Variants in EPS15L1 observed in about 807,000 individuals in gnomAD.
The protein encoded by EPS15L1 is epidermal growth factor receptor pathway substrate 15 like 1.
Under a neutral mutation model 117.1 loss-of-function variants are expected in EPS15L1, and 43 were observed. That is an observed-to-expected ratio of 0.37 (90% CI 0.29 to 0.47). EPS15L1 has a LOEUF of 0.47. EPS15L1 is among the 20% of genes least tolerant of loss of function. The pLI, the probability that EPS15L1 is intolerant of heterozygous loss-of-function variation, is 0.99. For missense variants in EPS15L1, 981 were observed against 1,164.0 expected (o/e 0.84, Z 2.29); for synonymous variants, 459 against 470.5 (o/e 0.98, Z 0.32).
chr19:16,380,994 G>A (rs538887920), intron 21 of EPS15L1, among the ~76,000 whole-genome samples: 210 of 152,320 alleles, frequency 1.4e-3, no homozygotes, highest in African/African-American at 5.0e-3. Flanking sequence ...CAGGGAGGTG[G>A]CCCCTCTAAG....
At chr19:16,393,504 C>T (rs542433832) in intron 18 of EPS15L1, among the ~76,000 whole-genome samples, 168 of 151,570 alleles carry the variant, frequency 1.1e-3, no homozygotes, top group Non-Finnish European at 2.0e-3. Context: ...AAAAAATTAG[C>T]CGGGCGTGGT....
At chr19:16,364,576 C>T (rs1219952030) in intron 22 of EPS15L1, among the ~76,000 whole-genome samples, 2 of 152,218 alleles carry the variant, frequency 1.3e-5, no homozygotes, top group Non-Finnish European at 2.9e-5. Flanking sequence ...CACCTTGAGA[C>T]GGCCTCCCAT....
At chr19:16,423,116 A>C (rs546927983) in intron 9 of EPS15L1, among the ~76,000 whole-genome samples, 1 of 152,164 alleles carries the variant, frequency 6.6e-6, no homozygotes, top group South Asian at 2.1e-4. Context: ...GTGATGTCCA[A>C]ATCTAACAGG....
chr19:16,395,204 A>C, intron 17 of EPS15L1, 140 bp downstream of exon 17: 1 of 460,576 alleles, frequency 2.2e-6, no homozygotes, highest in Non-Finnish European at 3.3e-6. Context: ...TCGTCTCCAA[A>C]AAAAAAAAAA....
At position 16,392,368 on chromosome 19, in the gene EPS15L1, T is replaced by C; in HGVS notation, c.2039A>G (p.Lys680Arg). 1 of 1,614,172 alleles carries C rather than the reference T, an allele frequency of 6.2e-7. No homozygotes were observed. Residue 680 changes from lysine to arginine, a missense_variant, in exon 19 of 24, where the codon AAA becomes AGA. Transcript: ENST00000455140. ...RGSATDDFFK[K>R]QTKNDPFTSD... Reference sequence around the variant, plus strand: ...GGTAAATGGGTCATTCTTTGTCTGTTTCTTGAAGAAGTCGTCAGTGGCAGA... The same window carrying C: ...GGTAAATGGGTCATTCTTTGTCTGTCTCTTGAAGAAGTCGTCAGTGGCAGA...
intron 7 of EPS15L1, among the ~76,000 whole-genome samples, chr19:16,430,495 T>TC (rs1250718542): frequency 6.6e-6 from 1 of 152,162 alleles, no homozygotes; most frequent in African/African-American, 2.4e-5. Context: ...TGAGACACAG[T>TC]CCTTAACAGG....
At chr19:16,366,548 T>C (rs184872589) in intron 22 of EPS15L1, among the ~76,000 whole-genome samples, 1 of 152,298 alleles carries the variant, frequency 6.6e-6, no homozygotes, top group East Asian at 1.9e-4. Flanking sequence ...TTTTGCTCTG[T>C]TGCCGAAACC....
intron 22 of EPS15L1, among the ~76,000 whole-genome samples, chr19:16,375,477 T>C (rs986335510): frequency 3.5e-4 from 53 of 151,802 alleles, no homozygotes; most frequent in African/African-American, 1.2e-3. Context: ...TGTGTGTGTG[T>C]GTGTGTGTGT....
chr19:16,452,111 C>T (rs1262665462), intron 1 of EPS15L1, among the ~76,000 whole-genome samples: 1 of 151,592 alleles, frequency 6.6e-6, no homozygotes, highest in African/African-American at 2.4e-5. Context: ...TGCACTCCAG[C>T]CTGGGCTACA....
intron 22 of EPS15L1, among the ~76,000 whole-genome samples, chr19:16,362,304 G>T (rs1344592793): frequency 6.6e-6 from 1 of 151,500 alleles, no homozygotes; most frequent in Non-Finnish European, 1.5e-5. Flanking sequence ...TTTTAGCATG[G>T]CAACACATTT....
Position 16,385,168 on chromosome 19 carries a change from A to G in EPS15L1, c.2208T>C (p.Asn736=), listed in dbSNP as rs781191687. 1.9e-6 allele frequency: 3 copies of G among 1,614,064 alleles called. No homozygotes were observed. In the Admixed American group the frequency reaches 5.0e-5, roughly 27 times the overall value. Residue 736 remains asparagine (N), a synonymous_variant, in exon 21 of 24, where the codon AAT becomes AAC. Transcript: ENST00000455140. The stretch of plus-strand genomic sequence containing the variant: ...TGAAGTCGGCAAAGCCTTCAGCACT[A>G]TTGAAGGACCCACTTCCGAAGGGAT... ...TLDPFGSGSF[N]SAEGFADFSQ... is the part of the protein sequence containing the mutation.
chr19:16,363,467 T>A (rs2144638745), intron 22 of EPS15L1, among the ~76,000 whole-genome samples: 1 of 152,204 alleles, frequency 6.6e-6, no homozygotes, highest in African/African-American at 2.4e-5. Flanking sequence ...CCTCGGTCCC[T>A]CTCCATGCCC....
At chr19:16,461,713 G>C (rs938628184) in intron 1 of EPS15L1, among the ~76,000 whole-genome samples, 8 of 152,332 alleles carry the variant, frequency 5.3e-5, no homozygotes, top group Admixed American at 5.2e-4. Flanking sequence ...TTACACAAGA[G>C]GAAAGCCCTT....
rs781007939 is a variant in EPS15L1, at chr19:16,404,665, C to T, written c.1351G>A (p.Glu451Lys). Residue 451 changes from glutamate (E) to lysine (K), a missense_variant, in exon 14 of 24, where the codon GAG (glutamate) becomes AAG (lysine). Transcript: ENST00000455140. This position sits in a 1 kb window ranked among gnomAD's most constrained non-coding sequence, Gnocchi z 4.2. ...AGCTTGGCCTTCTGCTGGTCCATCTCGTCCAGGCGGTCTTGAGCATCCTGT... is the reference window on the plus strand; with the variant it reads ...AGCTTGGCCTTCTGCTGGTCCATCTTGTCCAGGCGGTCTTGAGCATCCTGT... Reference protein sequence around the residue: ...QKQDAQDRLDEMDQQKAKLRD... With the variant: ...QKQDAQDRLDKMDQQKAKLRD... 8 of 1,614,218 alleles carry T rather than the reference C, an allele frequency of 5.0e-6. No homozygotes were observed. The highest frequency in any genetic ancestry group is 2.2e-5 in the South Asian group (2 of 91,088).
chr19:16,363,315 G>A (rs925072296), intron 22 of EPS15L1, among the ~76,000 whole-genome samples: 2 of 152,196 alleles, frequency 1.3e-5, no homozygotes, highest in African/African-American at 4.8e-5. Flanking sequence ...ACCAGGAACT[G>A]CCTGTCCCTC....
intron 22 of EPS15L1, among the ~76,000 whole-genome samples, chr19:16,363,703 C>T (rs2092092823): frequency 2.0e-5 from 3 of 152,174 alleles, no homozygotes; most frequent in African/African-American, 7.2e-5. Flanking sequence ...TCCTGGGGTC[C>T]AGGAGTCTCC....
chr19:16,442,071 G>A (rs1038453974), intron 2 of EPS15L1, 90 bp from the exon 3 acceptor site: 9 of 1,479,384 alleles, frequency 6.1e-6, no homozygotes, highest in Non-Finnish European at 8.5e-6. Context: ...TCCGCTGACA[G>A]TGAACAGAAA....
Position 16,471,824 on chromosome 19 carries a change from G to T in EPS15L1, c.33+89C>A. The T allele has an allele frequency of 1.5e-6, 1 of 681,852 alleles. No homozygotes were observed. The highest frequency in any genetic ancestry group is 2.0e-6 in the Non-Finnish European group (1 of 498,658). The allele number at this position is 681,852 out of a possible 1,614,324, so 42.2% of individuals were successfully genotyped here. A position where few individuals can be genotyped will look rare whatever the true frequency, so the allele number is the denominator to read the frequency against. ...GCACGCGCCGCCCCCGCCGCCGCCT[G>T]GCTGAGTCTCCCAGCGCCTCAGCCT... is the stretch of plus-strand genomic sequence containing the variant. On this transcript the variant is annotated intron_variant, in intron 1 of 23. Coordinates refer to ENST00000455140, the MANE Select transcript of EPS15L1 (RefSeq NM_001258374.3). The surrounding 1 kb of genome is among the most constrained non-coding windows in gnomAD (Gnocchi z 4.8).
intron 21 of EPS15L1, among the ~76,000 whole-genome samples, chr19:16,380,537 C>T (rs896158004): frequency 1.3e-5 from 2 of 151,898 alleles, no homozygotes; most frequent in African/African-American, 2.4e-5. Flanking sequence ...AAGGCTCTAG[C>T]GTCCAGTCAC....
Sources: gnomAD v4.1 joint callset for allele counts (sites outside exome capture counted in the v4.1 genomes callset) on GRCh38, gnomAD v4.1.1 for gene constraint, Gnocchi (gnomAD v3.1) non-coding constraint, MANE v1.5 for transcripts, NCBI Gene and HGNC (gene_info 2026-07-23, HGNC 2026-07-21) for gene names.